The following GCC2 variants were observed in gnomAD, a reference collection of about 807,000 sequenced individuals.
GCC2 encodes GRIP and coiled-coil domain-containing protein 2.
A neutral mutation model predicts 210.6 loss-of-function variants in GCC2; 120 were observed. The observed-to-expected ratio is 0.57, with a 90% confidence interval of 0.49 to 0.66. The LOEUF (loss-of-function observed/expected upper bound fraction) is 0.66. Among genes scored for constraint, GCC2 ranks in the 30% least tolerant of loss-of-function variants. The pLI is 0.00. For missense variants in GCC2, 1,868 were observed against 1,871.9 expected (o/e 1.00, Z 0.04); for synonymous variants, 703 against 652.7 (o/e 1.08, Z -1.17).
rs1393404342 is a variant in GCC2 at position 108,449,230 on chromosome 2, A to C, written c.-45A>C. The C allele has an allele frequency of 9.1e-6, 14 of 1,542,994 alleles. No homozygotes were observed. The Admixed American group carries it at 1.4e-4, about 15-fold the overall frequency. ...CAGAGGCTGGCGCAAACAGAAGTGC[A>C]GCGGTGGCGGCGGCTGGTTGCGGGC... On this transcript the variant is annotated 5_prime_UTR_variant, in exon 1 of 23. Transcript: ENST00000309863.
chr2:108,479,455 A>G (rs1020728196), intron 9 of GCC2, among the ~76,000 whole-genome samples: 1 of 152,196 alleles, frequency 6.6e-6, no homozygotes, highest in Non-Finnish European at 1.5e-5. Flanking sequence ...AGCCTGGGCA[A>G]CATGGTGAAA....
At chr2:108,452,531 A>T (rs1442714653) in intron 4 of GCC2, 65 bp downstream of exon 4, 3 of 943,672 alleles carry the variant, frequency 3.2e-6, no homozygotes, top group South Asian at 1.3e-5. Context: ...TCAGTCTGCT[A>T]GAGGCTATCT....
intron 4 of GCC2, among the ~76,000 whole-genome samples, chr2:108,463,016 A>G (rs1680691150): frequency 6.6e-6 from 1 of 151,908 alleles, no homozygotes; most frequent in Non-Finnish European, 1.5e-5. Flanking sequence ...TTATTCTATG[A>G]ATTCTTCAGT....
In GCC2 at chr2:108,471,226, C is replaced by G; in HGVS notation, c.1897C>G (p.Gln633Glu). The G allele has an allele frequency of 6.2e-7, 1 of 1,605,680 alleles. No individual in the cohort carries two copies. The highest frequency in any genetic ancestry group is 8.5e-7 in the Non-Finnish European group (1 of 1,177,588). Residue 633 changes from glutamine (Q) to glutamate (E), a missense_variant, in exon 6 of 23, where the codon CAA becomes GAA. Physicochemically the swap from Gln to Glu is conservative, Grantham distance 29. Around this residue, in one of 3 missense-constraint regions of GCC2, gnomAD observed 1,847 missense variants for 1,765.2 expected, o/e 1.05. Transcript: ENST00000309863. The part of the protein sequence containing the change: ...LILELGKKVE[Q>E]TIQYNSELEQ... ...TCTTGAACTTGGGAAGAAAGTAGAG[C>G]AAACAATCCAGTACAACAGTGAACT...
Position 108,486,548 on chromosome 2 carries a change from T to C in GCC2, c.3830T>C (p.Ile1277Thr), listed in dbSNP as rs1021365021. Residue 1277 changes from isoleucine (I) to threonine (T), a missense_variant, in exon 16 of 23, where the codon ATC becomes ACC. By Grantham distance (89) the Ile-to-Thr change is moderately conservative (BLOSUM62 -1). This residue lies in a region of GCC2 where 1,847 missense variants were observed against 1,765.2 expected (regional missense o/e 1.05). Coordinates refer to ENST00000309863, the MANE Select transcript of GCC2 (RefSeq NM_181453.4). ...LAEITSEKHK[I>T]HEHLKTSAEQ... Reference sequence around the variant, plus strand: ...GAAATAACATCAGAGAAGCACAAAATCCACGAGCACCTGAAAACCTCTGCG... The same window carrying C: ...GAAATAACATCAGAGAAGCACAAAACCCACGAGCACCTGAAAACCTCTGCG... 3 of 1,613,984 alleles carry C rather than the reference T, an allele frequency of 1.9e-6. No homozygotes were observed. Among genetic ancestry groups the C allele is most frequent in the African/African-American group, 2.7e-5 (2 of 74,916 alleles).
At chr2:108,482,979 C>A (rs1458181406) in intron 11 of GCC2, 83 bp from the exon 12 acceptor site, 13 of 740,484 alleles carry the variant, frequency 1.8e-5, no homozygotes, top group Admixed American at 2.3e-5. Flanking sequence ...CACGCCCGGC[C>A]GTCAGATTTA....
chr2:108,460,017 T>A (rs973072872), intron 4 of GCC2, among the ~76,000 whole-genome samples: 1 of 151,884 alleles, frequency 6.6e-6, no homozygotes, highest in Non-Finnish European at 1.5e-5. Context: ...GCCCAGCTAA[T>A]TTTTTGCATT....
intron 4 of GCC2, among the ~76,000 whole-genome samples, chr2:108,455,457 T>TC (rs1482997570): frequency 1.3e-5 from 2 of 152,026 alleles, no homozygotes; most frequent in East Asian, 3.9e-4. Flanking sequence ...AAAAAAATTC[T>TC]CCAAGTTAGC....
intron 4 of GCC2, among the ~76,000 whole-genome samples, chr2:108,461,086 A>G (rs1334441037): frequency 6.6e-6 from 1 of 152,200 alleles, no homozygotes; most frequent in Non-Finnish European, 1.5e-5. Context: ...ATAGTTCTTT[A>G]CAGCAGTGCA....
At chr2:108,452,611 A>T in intron 4 of GCC2, 145 bp downstream of exon 4, 11 of 575,110 alleles carry the variant, frequency 1.9e-5, no homozygotes, top group Non-Finnish European at 2.3e-5. Flanking sequence ...CTGTAAAAAG[A>T]GGGGGTTAAT....
At chr2:108,455,641 T>TAC (rs1291940292) in intron 4 of GCC2, among the ~76,000 whole-genome samples, 3 of 152,218 alleles carry the variant, frequency 2.0e-5, no homozygotes, top group African/African-American at 7.2e-5. Flanking sequence ...ATGTGTTGTG[T>TAC]ACATTTCAAG....
rs1681909868 is a variant in GCC2, at chr2:108,482,445, G to A, written c.3339G>A (p.Lys1113=). ...LEAEKLQKEQ[K]IKEHATTVNE... Reference sequence around the variant, plus strand: ...CTGAAAAACTTCAGAAAGAACAGAAGATAAAGGTAAAAACAATCCTATGAG... The same window carrying A: ...CTGAAAAACTTCAGAAAGAACAGAAAATAAAGGTAAAAACAATCCTATGAG... Residue 1113 remains lysine, a synonymous_variant, in exon 11 of 23, where the codon AAG becomes AAA. Coordinates refer to ENST00000309863, the MANE Select transcript of GCC2 (RefSeq NM_181453.4). 5 of 1,517,712 alleles carry A rather than the reference G, an allele frequency of 3.3e-6. No individual in the cohort carries two copies. The highest frequency in any genetic ancestry group is 3.5e-5 in the Admixed American group (2 of 56,364). The allele number at this position is 1,517,712 out of a possible 1,614,324, so 94.0% of individuals were successfully genotyped here. A position where few individuals can be genotyped will look rare whatever the true frequency, so the allele number is the denominator to read the frequency against.
rs150221007 is a variant in GCC2 at position 108,460,387 on chromosome 2, TC to T, written c.216+7922del. Among the ~76,000 whole-genome samples, 1,411 of 152,290 alleles carry T rather than the reference TC, an allele frequency of 9.3e-3. 22 individuals are homozygous for T. Among genetic ancestry groups the T allele is most frequent in the Middle Eastern group, 0.031 (9 of 294 alleles). On this transcript the variant is annotated intron_variant, in intron 4 of 22. Coordinates refer to ENST00000309863, the MANE Select transcript of GCC2 (RefSeq NM_181453.4). ...TTATTAATTATATGTGAGCCTTTTT[TC>T]TGTCATATTAACGGTTTTCTGGTTG... is the stretch of plus-strand genomic sequence containing the variant.
In GCC2 at chr2:108,482,300, A is replaced by G. The variant is rs1681901238; in HGVS notation, c.3194A>G (p.Asn1065Ser). ...TTGTCATTTCAGTGTGAAACAATAA[A>G]TTCTGATAATGAAGATCTCCTGGCT... ...RNSTLQCETINSDNEDLLARI... is the reference protein window; with the variant it reads ...RNSTLQCETISSDNEDLLARI... The change falls in exon 11 of 23, where the codon AAT becomes AGT. Residue 1065 changes from asparagine to serine, a missense_variant. By Grantham distance (46) the Asn-to-Ser change is conservative. Around this residue, in one of 3 missense-constraint regions of GCC2, gnomAD observed 1,847 missense variants for 1,765.2 expected, o/e 1.05. Transcript: ENST00000309863. 2.5e-6 allele frequency: 4 copies of G among 1,573,836 alleles called. No individual in the cohort carries two copies. The highest frequency in any genetic ancestry group is 1.7e-6 in the Non-Finnish European group (2 of 1,156,026).
chr2:108,455,776 TATTCC>T (rs1163792686), intron 4 of GCC2, among the ~76,000 whole-genome samples: 1 of 152,224 alleles, frequency 6.6e-6, no homozygotes, highest in African/African-American at 2.4e-5. Flanking sequence ...GGGCATATAG[TATTCC>T]ATTGTGTATA....
chr2:108,500,693 A>C (rs1682879173), intron 22 of GCC2, among the ~76,000 whole-genome samples: 1 of 152,188 alleles, frequency 6.6e-6, no homozygotes, highest in Non-Finnish European at 1.5e-5. Flanking sequence ...GTTTTAAATT[A>C]CTTTTATTTT....
At chr2:108,469,436 T>A (rs1681068439) in intron 5 of GCC2, 1 of 472,676 alleles carries the variant, frequency 2.1e-6, no homozygotes, top group South Asian at 4.0e-5. Flanking sequence ...TGGGCTAATT[T>A]GAGTAATAGA....
chr2:108,499,261 C>T (rs1558761175), intron 21 of GCC2, among the ~76,000 whole-genome samples: 1 of 152,122 alleles, frequency 6.6e-6, no homozygotes, highest in Admixed American at 6.5e-5. Context: ...GTTATATAGC[C>T]CAACACTTGG....
At position 108,471,202 on chromosome 2, in the gene GCC2, C is replaced by G. The variant is rs781756304; in HGVS notation, c.1873C>G (p.Leu625Val). The G allele has an allele frequency of 1.9e-6, 3 of 1,604,770 alleles. No individual in the cohort carries two copies. Among genetic ancestry groups the G allele is most frequent in the Non-Finnish European group, 1.7e-6 (2 of 1,176,962 alleles). ...ATGTGAAAGGGAAGAAAGATTGATT[C>G]TTGAACTTGGGAAGAAAGTAGAGCA... ...KKCEREERLI[L>V]ELGKKVEQTI... Residue 625 changes from leucine to valine, a missense_variant, in exon 6 of 23, where the codon CTT (leucine) becomes GTT (valine). Transcript: ENST00000309863.
Sources: gnomAD v4.1 joint callset for allele counts (sites outside exome capture counted in the v4.1 genomes callset) on GRCh38, gnomAD v4.1.1 for gene constraint, gnomAD v4.1.1 regional missense constraint, MANE v1.5 for transcripts, NCBI Gene and HGNC (gene_info 2026-07-23, HGNC 2026-07-21) for gene names.